RHOBTB3: variants seen among roughly 807,000 people sequenced by gnomAD.
RHOBTB3 encodes rho-related BTB domain-containing protein 3.
In RHOBTB3, 47 loss-of-function variants were observed where a neutral mutation model predicts 67.2. That is an observed-to-expected ratio of 0.70 (90% CI 0.55 to 0.89). The LOEUF (loss-of-function observed/expected upper bound fraction) is 0.89, where lower values mean the gene tolerates loss of function less well. Ranked by LOEUF, RHOBTB3 falls within the 40% of genes least tolerant of loss-of-function variation. The pLI is 0.00. For synonymous variants in RHOBTB3, 273 were observed against 274.2 expected, an observed-to-expected ratio of 1.00 and a Z score of 0.04; for missense variants, 631 against 750.0, an observed-to-expected ratio of 0.84 and a Z score of 1.85.
chr5:95,752,975 C>CA (rs909309083), intron 5 of RHOBTB3, among the ~76,000 whole-genome samples: 12 of 151,902 alleles, frequency 7.9e-5, no homozygotes, highest in African/African-American at 2.9e-4. Context: ...ACTAAAAATA[C>CA]AAAAAAATTA....
chr5:95,732,042 G>T lies in RHOBTB3; in HGVS notation c.186G>T (p.Ala62=). The T allele has an allele frequency of 6.2e-7, 1 of 1,614,218 alleles. No individual in the cohort carries two copies. Among genetic ancestry groups the T allele is most frequent in the South Asian group, 1.1e-5 (1 of 91,084 alleles). ...TGTTCACCGAGTATCAGGCCAGTGC[G>T]TTTGGGAATGTCAAGCTGGTGGTCC... ...RPVFTEYQAS[A]FGNVKLVVHD... is the part of the protein sequence containing the mutation. The change falls in exon 2 of 12, where the codon GCG becomes GCT. Residue 62 remains alanine (A), a synonymous_variant. Transcript: ENST00000379982.
At chr5:95,742,481 T>TC (rs1342757705) in intron 3 of RHOBTB3, among the ~76,000 whole-genome samples, 1 of 152,198 alleles carries the variant, frequency 6.6e-6, no homozygotes, top group African/African-American at 2.4e-5. Context: ...GATATCACCA[T>TC]CCATCCATTT....
chr5:95,788,788 C>G lies in RHOBTB3; in HGVS notation c.1650C>G (p.Thr550=), dbSNP rs776459347. 2 of 1,589,130 alleles carry G rather than the reference C, an allele frequency of 1.3e-6. No homozygotes were observed. The highest frequency in any genetic ancestry group is 2.3e-5 in the South Asian group (2 of 85,400). The stretch of plus-strand genomic sequence containing the variant: ...TTCACCACTCTGATTGCCTTTCAAC[C>G]TGGCTACTTCATTTCATTGCTACTA... The part of the protein sequence containing the change: ...AKFHHSDCLS[T]WLLHFIATNY... The change falls in exon 11 of 12, where the codon ACC becomes ACG. Residue 550 remains threonine (T), a synonymous_variant. Coordinates refer to ENST00000379982, the MANE Select transcript of RHOBTB3 (RefSeq NM_014899.4).
chr5:95,736,862 A>C, intron 2 of RHOBTB3, 27 bp from the exon 3 acceptor site: 1 of 1,474,630 alleles, frequency 6.8e-7, no homozygotes, highest in African/African-American at 1.4e-5. Context: ...AAGTAGACTA[A>C]AGATTGCTAT....
chr5:95,731,219 G>A (rs1174036302), upstream of RHOBTB3: 2 of 1,002,766 alleles, frequency 2.0e-6, no homozygotes, highest in Non-Finnish European at 2.4e-6. Flanking sequence ...CGCGTCCCCC[G>A]CATCCGCCCG....
In RHOBTB3 at chr5:95,752,238, GT is replaced by G. The variant is rs1745111916; in HGVS notation, c.572del (p.Leu191TrpfsTer5). ...FYIGKYFGGV[L>X]EYFMIQALNQ... ...CAATTAAAATTTGATTCCTGTTTTA[GT>G]TGGAGTATTTTATGATTCAAGCCTT... On this transcript the variant is annotated frameshift_variant and splice_region_variant, in exon 5 of 12. Transcript: ENST00000379982. LOFTEE classifies it high-confidence loss of function. 1.3e-5 allele frequency: 20 copies of G among 1,516,394 alleles called. No individual in the cohort carries two copies. Among genetic ancestry groups the G allele is most frequent in the Non-Finnish European group, 1.8e-5 (20 of 1,108,412 alleles). 93.9% of individuals were successfully genotyped at this position (1,516,394 alleles called of 1,614,324 possible). A position where few individuals can be genotyped will look rare whatever the true frequency, so the allele number is the denominator to read the frequency against.
chr5:95,793,964 G>A lies in RHOBTB3; in HGVS notation c.*790G>A, dbSNP rs556421071. ...GAGCCCTCAAAATTATGTCTGTTTC[G>A]TGGTGGGAAATATCCTATGTTTTCT... On this transcript the variant is annotated 3_prime_UTR_variant, in exon 12 of 12. Coordinates refer to ENST00000379982, the MANE Select transcript of RHOBTB3 (RefSeq NM_014899.4). 2.9e-4 allele frequency: 131 copies of A among 455,492 alleles called. No homozygotes were observed. Among genetic ancestry groups the A allele is most frequent in the African/African-American group, 2.0e-3 (100 of 50,096 alleles). The allele number at this position is 455,492 out of a possible 1,614,324, so 28.2% of individuals were successfully genotyped here.
At chr5:95,720,455 C>A (rs1222407287) in intron 1 of RHOBTB3, among the ~76,000 whole-genome samples, 1 of 152,240 alleles carries the variant, frequency 6.6e-6, no homozygotes, top group South Asian at 2.1e-4. Flanking sequence ...TAATAAAATG[C>A]ACTGGTTGAA....
Position 95,722,429 on chromosome 5 carries a change from G to A in RHOBTB3, n.133+4664G>A, listed in dbSNP as rs139370445. Reference sequence around the variant, plus strand: ...ATAACTGCATAATACACAATCAATGGTGCTTGATAATAATACTTGTATTTA... The same window carrying A: ...ATAACTGCATAATACACAATCAATGATGCTTGATAATAATACTTGTATTTA... On this transcript the variant is annotated intron_variant and non_coding_transcript_variant, in intron 1 of 5. Transcript: ENST00000504949. Among the ~76,000 whole-genome samples the A allele has an allele frequency of 1.5e-3, 232 of 152,154 alleles. 1 individual carries two copies. The Middle Eastern group carries it at 0.027, about 18-fold the overall frequency.
rs1746556719 is a variant in RHOBTB3 at position 95,796,267 on chromosome 5, G to A, written c.*3093G>A. 1 of 152,030 alleles carries A rather than the reference G, an allele frequency of 6.6e-6. No individual in the cohort carries two copies. The highest frequency in any genetic ancestry group is 6.6e-5 in the Admixed American group (1 of 15,260). The allele number at this position is 152,030 out of a possible 1,614,324, so 9.4% of individuals were successfully genotyped here. A position where few individuals can be genotyped will look rare whatever the true frequency, so the allele number is the denominator to read the frequency against. Reference sequence around the variant, plus strand: ...AACCTTTAATAATTTTGCAAAGAAGGGTATGTGTGTATTTTAATATAGCCT... The same window carrying A: ...AACCTTTAATAATTTTGCAAAGAAGAGTATGTGTGTATTTTAATATAGCCT... On this transcript the variant is annotated 3_prime_UTR_variant, in exon 12 of 12. Transcript: ENST00000379982.
intron 1 of RHOBTB3, among the ~76,000 whole-genome samples, chr5:95,724,264 A>G (rs1176127953): frequency 6.6e-6 from 1 of 152,240 alleles, no homozygotes; most frequent in Non-Finnish European, 1.5e-5. Context: ...CTCATTTTTC[A>G]GTCCCATTAT....
Position 95,731,583 on chromosome 5 carries a change from G to A in RHOBTB3, c.-100G>A, listed in dbSNP as rs997326948. 148 of 1,562,706 alleles carry A rather than the reference G, an allele frequency of 9.5e-5. No individual in the cohort carries two copies. The highest frequency in any genetic ancestry group is 1.2e-4 in the Non-Finnish European group (135 of 1,154,828). ...AGGCGCGCGAGGGGGACGCGGCCGGGGATGAGCGGATTGCGGGTGAACTCG... is the reference window on the plus strand; with the variant it reads ...AGGCGCGCGAGGGGGACGCGGCCGGAGATGAGCGGATTGCGGGTGAACTCG... On this transcript the variant is annotated 5_prime_UTR_variant, in exon 1 of 12. Transcript: ENST00000379982.
At chr5:95,759,682 T>G (rs1745343177) in intron 6 of RHOBTB3, among the ~76,000 whole-genome samples, 1 of 152,232 alleles carries the variant, frequency 6.6e-6, no homozygotes, top group Non-Finnish European at 1.5e-5. Context: ...CCAGGCTTGT[T>G]TTGTTTTGTT....
At chr5:95,785,630 T>C (rs1746203672) in intron 10 of RHOBTB3, among the ~76,000 whole-genome samples, 1 of 152,196 alleles carries the variant, frequency 6.6e-6, no homozygotes, top group Non-Finnish European at 1.5e-5. Context: ...TGATCTCTTT[T>C]TGTAAAACGT....
At position 95,718,921 on chromosome 5, in the gene RHOBTB3, G is replaced by C. The variant is rs1032117188; in HGVS notation, n.133+1156G>C. Among the ~76,000 whole-genome samples, 3 of 152,302 alleles carry C rather than the reference G, an allele frequency of 2.0e-5. No individual in the cohort carries two copies. In the East Asian group the frequency reaches 5.8e-4, roughly 29 times the overall value. ...CTGGATGATGGAAACAGGGTAGAAG[G>C]CTGCTTGTCCAAGTTGTTGGATAAC... On this transcript the variant is annotated intron_variant and non_coding_transcript_variant, in intron 1 of 5. Transcript: ENST00000504949.
Position 95,755,581 on chromosome 5 carries a change from C to G in RHOBTB3, c.868C>G (p.Pro290Ala). Residue 290 changes from proline (P) to alanine (A), a missense_variant, in exon 6 of 12, where the codon CCC becomes GCC. Transcript: ENST00000379982. The part of the protein sequence containing the change: ...VFMLLFNVKS[P>A]TDIQDSSIIR... ...CATGCTGCTTTTCAATGTGAAGAGT[C>G]CCACTGACATTCAGGATTCCAGTAT... 1 of 1,614,068 alleles carries G rather than the reference C, an allele frequency of 6.2e-7. No homozygotes were observed. The highest frequency in any genetic ancestry group is 8.5e-7 in the Non-Finnish European group (1 of 1,179,974).
intron 8 of RHOBTB3, among the ~76,000 whole-genome samples, chr5:95,778,947 G>C (rs1745971209): frequency 6.6e-6 from 1 of 152,356 alleles, no homozygotes; most frequent in East Asian, 1.9e-4. Flanking sequence ...TGTGCAAATG[G>C]CAGTGCCGAG....
chr5:95,770,217 G>A (rs1208980904), intron 8 of RHOBTB3: 4 of 300,250 alleles, frequency 1.3e-5, no homozygotes, highest in Admixed American at 3.7e-5. Context: ...TAGCTGTGCT[G>A]AAGGTTGGTG....
chr5:95,748,497 A>T lies in RHOBTB3; in HGVS notation c.570+10A>T, dbSNP rs879191565. On this transcript the variant is annotated intron_variant, in intron 4 of 11. Coordinates refer to ENST00000379982, the MANE Select transcript of RHOBTB3 (RefSeq NM_014899.4). ...GTATTTTGGAGGAGTGGTAAGTGGA[A>T]ATTCCTGTTAAGTATAAAGTTATTT... 7 of 1,601,906 alleles carry T rather than the reference A, an allele frequency of 4.4e-6. No individual in the cohort carries two copies. In the South Asian group the frequency reaches 6.7e-5, roughly 15 times the overall value.
Sources: allele counts gnomAD v4.1 joint callset (sites outside exome capture counted in the v4.1 genomes callset), GRCh38; gene constraint gnomAD v4.1.1; transcripts MANE v1.5; gene names NCBI Gene and HGNC (gene_info 2026-07-23, HGNC 2026-07-21).